Variants in RPSA2 observed in about 807,000 individuals in gnomAD.
RPSA2 encodes small ribosomal subunit protein uS2B.
the RPSA2 span, among the ~76,000 whole-genome samples, chr19:23,857,619 T>C: frequency 1.3e-5 from 2 of 150,840 alleles, no homozygotes; most frequent in Non-Finnish European, 2.9e-5. Context: ...GCCTCCCAAG[T>C]AGTTGGGATT....
chr19:23,785,869 G>C, the RPSA2 span, among the ~76,000 whole-genome samples: 1 of 152,028 alleles, frequency 6.6e-6, no homozygotes, highest in African/African-American at 2.4e-5. Flanking sequence ...CTCCTTTTTT[G>C]TACAAAGTCA....
the RPSA2 span, among the ~76,000 whole-genome samples, chr19:23,839,016 G>C: frequency 3.3e-5 from 5 of 151,450 alleles, no homozygotes; most frequent in African/African-American, 1.2e-4. Context: ...ATTTGTTCTT[G>C]TTTCTCTAGT....
At chr19:23,832,739 A>T in the RPSA2 span, 3 of 1,552,738 alleles carry the variant, frequency 1.9e-6, no homozygotes, top group Non-Finnish European at 2.6e-6. Flanking sequence ...GAATATGAAA[A>T]AGCTTTTAGC....
chr19:23,797,955 T>C, the RPSA2 span, among the ~76,000 whole-genome samples: 3 of 152,230 alleles, frequency 2.0e-5, no homozygotes, highest in African/African-American at 7.2e-5. Flanking sequence ...AATATCTTAC[T>C]AAAATCTCTT....
the RPSA2 span, among the ~76,000 whole-genome samples, chr19:23,845,392 G>C: frequency 6.6e-6 from 1 of 151,326 alleles, no homozygotes; most frequent in South Asian, 2.1e-4. Flanking sequence ...CAGACATTTA[G>C]GCTATAAACT....
chr19:23,776,023 G>A, the RPSA2 span, among the ~76,000 whole-genome samples: 3 of 152,146 alleles, frequency 2.0e-5, no homozygotes, highest in African/African-American at 7.2e-5. Context: ...TGGACCCAGC[G>A]CCTAAGTGAT....
chr19:23,833,936 T>C, the RPSA2 span, among the ~76,000 whole-genome samples: 4 of 152,164 alleles, frequency 2.6e-5, no homozygotes, highest in African/African-American at 9.6e-5. Context: ...AAGAAAACCC[T>C]GCAAATATAA....
At chr19:23,768,172 ATGTTT>A in the RPSA2 span, among the ~76,000 whole-genome samples, 7 of 432 alleles carry the variant, frequency 0.016, no homozygotes, top group Non-Finnish European at 0.064. Context: ...ATCTAGTGAT[ATGTTT>A]TATTTGTTAA....
At chr19:23,797,675 G>A in the RPSA2 span, among the ~76,000 whole-genome samples, 1 of 152,156 alleles carries the variant, frequency 6.6e-6, no homozygotes, top group Non-Finnish European at 1.5e-5. Context: ...TAGTGCCTGT[G>A]GGATGTTGTA....
the RPSA2 span, chr19:23,819,552 AGGG>A: frequency 6.6e-6 from 1 of 152,166 alleles, no homozygotes; most frequent in African/African-American, 2.4e-5. Flanking sequence ...CCGGGTCTAA[AGGG>A]ATAAATTGGG....
the RPSA2 span, among the ~76,000 whole-genome samples, chr19:23,837,539 G>A: frequency 3.3e-5 from 5 of 152,066 alleles, no homozygotes; most frequent in Admixed American, 3.3e-4. Flanking sequence ...TGAATTTATT[G>A]ATTGCTTTTG....
At chr19:23,832,402 T>A in the RPSA2 span, 1 of 506,186 alleles carries the variant, frequency 2.0e-6, no homozygotes. Flanking sequence ...ATGTGAAGAA[T>A]GTGGCAAAGC....
the RPSA2 span, among the ~76,000 whole-genome samples, chr19:23,775,852 G>T: frequency 6.6e-6 from 1 of 152,204 alleles, no homozygotes; most frequent in Admixed American, 6.5e-5. Flanking sequence ...CATACAGGAG[G>T]TGTTGACTTT....
the RPSA2 span, among the ~76,000 whole-genome samples, chr19:23,856,095 A>C: frequency 6.6e-6 from 1 of 152,126 alleles, no homozygotes; most frequent in East Asian, 1.9e-4. Context: ...GGAGACGCTG[A>C]GCAGATAACA....
At chr19:23,816,518 T>C in the RPSA2 span, among the ~76,000 whole-genome samples, 1 of 152,220 alleles carries the variant, frequency 6.6e-6, no homozygotes, top group Admixed American at 6.5e-5. Flanking sequence ...GTACGTTTTT[T>C]CTTATTCACT....
the RPSA2 span, among the ~76,000 whole-genome samples, chr19:23,848,368 G>T: frequency 6.6e-6 from 1 of 152,118 alleles, no homozygotes; most frequent in East Asian, 1.9e-4. Flanking sequence ...TTCTTTGACT[G>T]GTCCAGCACA....
chr19:23,860,233 T>A, the RPSA2 span, among the ~76,000 whole-genome samples: 1 of 152,184 alleles, frequency 6.6e-6, no homozygotes, highest in Non-Finnish European at 1.5e-5. Context: ...GTTTCCAACA[T>A]CTCTTATTGT....
At chr19:23,870,408 A>T in the RPSA2 span, among the ~76,000 whole-genome samples, 1 of 96,254 alleles carries the variant, frequency 1.0e-5, no homozygotes, top group Non-Finnish European at 2.3e-5. Context: ...ACTGTCATTC[A>T]CACTCATATT....
At chr19:23,832,683 T>C in the RPSA2 span, 1 of 1,497,656 alleles carries the variant, frequency 6.7e-7, no homozygotes, top group Non-Finnish European at 9.0e-7. Context: ...TTACCCTAAC[T>C]GGTCATAAGA....
Sources: gnomAD v4.1 joint callset for allele counts (sites outside exome capture counted in the v4.1 genomes callset) on GRCh38, gnomAD v4.1.1 for gene constraint, MANE v1.5 for transcripts, NCBI Gene and HGNC (gene_info 2026-07-23, HGNC 2026-07-21) for gene names.